PUM2: variants seen among roughly 807,000 people sequenced by gnomAD.
PUM2 encodes the protein pumilio homolog 2.
In PUM2, 57 loss-of-function variants were observed where a neutral mutation model predicts 124.5. The ratio of observed to expected loss-of-function variants is 0.46; its 90% confidence interval spans 0.37 to 0.57. PUM2 has a LOEUF of 0.57. Ranked by LOEUF, PUM2 falls within the 20% of genes least tolerant of loss-of-function variation. The probability of loss-of-function intolerance (pLI) is 0.00; values close to 1 mark genes in which losing one functional copy is unlikely to be tolerated. For synonymous variants in PUM2, 460 were observed against 446.1 expected (o/e 1.03, Z -0.39); for missense variants, 1,065 against 1,290.6 (o/e 0.83, Z 2.68).
Position 20,282,961 on chromosome 2 carries a change from C to T in PUM2, c.1706G>A (p.Gly569Glu), listed in dbSNP as rs781262289. 20 of 1,613,136 alleles carry T rather than the reference C, an allele frequency of 1.2e-5. No individual in the cohort carries two copies. Among genetic ancestry groups the T allele is most frequent in the Non-Finnish European group, 1.5e-5 (18 of 1,179,762 alleles). Residue 569 changes from glycine (G) to glutamate (E), a missense_variant, in exon 12 of 21, where the codon GGA becomes GAA. Physicochemically the swap from Gly to Glu is moderately conservative, Grantham distance 98. Around this residue, in one of 3 missense-constraint regions of PUM2, gnomAD observed 968 missense variants for 1,159.8 expected, o/e 0.83. Coordinates refer to ENST00000361078, the MANE Select transcript of PUM2 (RefSeq NM_015317.5). ...LGAAIGSALS[G>E]FGSSVGSSAS... ...AACAAACTTACCTGATGAACCAAATCCACTGAGGGCTGAGCCTATAGCAGC... is the reference window on the plus strand; with the variant it reads ...AACAAACTTACCTGATGAACCAAATTCACTGAGGGCTGAGCCTATAGCAGC...
At position 20,341,321 on chromosome 2, in the gene PUM2, T is replaced by C. The variant is rs190117441; in HGVS notation, c.-19+9276A>G. On this transcript the variant is annotated intron_variant, in intron 1 of 20. Coordinates refer to ENST00000361078, the MANE Select transcript of PUM2 (RefSeq NM_015317.5). ...CACCACTTATATGGTGGTACAAAAT[T>C]AAAAAAATAAGCCAAACTCAACAAC... is the stretch of plus-strand genomic sequence containing the variant. 3.4e-3 allele frequency among the ~76,000 whole-genome samples: 524 copies of C among 152,158 alleles called. 2 individuals are homozygous for C. The highest frequency in any genetic ancestry group is 4.8e-3 in the Non-Finnish European group (328 of 67,982).
intron 10 of PUM2, among the ~76,000 whole-genome samples, chr2:20,287,289 T>C (rs1446852892): frequency 6.6e-6 from 1 of 152,032 alleles, no homozygotes; most frequent in Non-Finnish European, 1.5e-5. Context: ...ACAGAAGTAC[T>C]AAAAGAAGAT....
intron 10 of PUM2, among the ~76,000 whole-genome samples, chr2:20,286,529 C>T (rs181792381): frequency 6.6e-6 from 1 of 152,252 alleles, no homozygotes; most frequent in East Asian, 1.9e-4. Flanking sequence ...GTTATTTATG[C>T]CTTCTCTGTT....
intron 5 of PUM2, 134 bp from the exon 6 acceptor site, chr2:20,308,718 C>T (rs1247210162): frequency 1.3e-6 from 1 of 778,938 alleles, no homozygotes; most frequent in Non-Finnish European, 2.0e-6. Flanking sequence ...ACTATGCCAC[C>T]TTATCACATT....
At chr2:20,337,321 G>T (rs1471371785) in intron 1 of PUM2, among the ~76,000 whole-genome samples, 1 of 150,972 alleles carries the variant, frequency 6.6e-6, no homozygotes, top group Admixed American at 6.6e-5. Flanking sequence ...TTTGTTTTTT[G>T]TAAGTCCTCA....
At chr2:20,337,918 A>G (rs1308844146) in intron 1 of PUM2, among the ~76,000 whole-genome samples, 1 of 152,176 alleles carries the variant, frequency 6.6e-6, no homozygotes, top group African/African-American at 2.4e-5. Context: ...TATAATTCTC[A>G]CTATAATCCA....
intron 13 of PUM2, among the ~76,000 whole-genome samples, chr2:20,272,355 T>A: frequency 6.6e-6 from 1 of 152,298 alleles, no homozygotes; most frequent in Non-Finnish European, 1.5e-5. Flanking sequence ...CATATGTGTA[T>A]GTGTGGTGTG....
chr2:20,284,997 GCA>G (rs1672397934), intron 10 of PUM2, among the ~76,000 whole-genome samples: 1 of 152,088 alleles, frequency 6.6e-6, no homozygotes, highest in Non-Finnish European at 1.5e-5. Context: ...TAAATCCAAG[GCA>G]CACAGAAAAC....
intron 2 of PUM2, among the ~76,000 whole-genome samples, chr2:20,323,321 G>A (rs1002316893): frequency 6.6e-5 from 10 of 151,968 alleles, no homozygotes; most frequent in East Asian, 5.8e-4. Flanking sequence ...AGTGGCACAC[G>A]CCTGCGGTCC....
At position 20,256,048 on chromosome 2, in the gene PUM2, A is replaced by G; in HGVS notation, c.2607T>C (p.Asp869=). ...TCAAACATACTTGTCCCTTGAAAGC[A>G]TCAATGATGAACTGTAGTGACTGTG... is the stretch of plus-strand genomic sequence containing the variant. ...VQPQSLQFII[D]AFKGQVFVLS... is the part of the protein sequence containing the mutation. The change falls in exon 17 of 21, where the codon GAT becomes GAC. Residue 869 remains aspartate, a synonymous_variant. Transcript: ENST00000361078. The G allele has an allele frequency of 6.4e-7, 1 of 1,569,536 alleles. No individual in the cohort carries two copies. The highest frequency in any genetic ancestry group is 8.6e-7 in the Non-Finnish European group (1 of 1,164,482).
At chr2:20,273,073 A>G (rs1407058152) in intron 13 of PUM2, among the ~76,000 whole-genome samples, 2 of 152,228 alleles carry the variant, frequency 1.3e-5, no homozygotes, top group Admixed American at 6.5e-5. Flanking sequence ...AGGGTACCTT[A>G]TAAGCATGGT....
At chr2:20,291,871 G>A (rs16987546) in intron 9 of PUM2, among the ~76,000 whole-genome samples, 11,035 of 152,052 alleles carry the variant, frequency 0.073, 439 homozygotes, top group Non-Finnish European at 0.088. Flanking sequence ...GCCAACCCAA[G>A]CATCCTTTAA....
chr2:20,303,337 C>T (rs1572820242), intron 7 of PUM2, among the ~76,000 whole-genome samples: 1 of 151,318 alleles, frequency 6.6e-6, no homozygotes, highest in Admixed American at 6.6e-5. Context: ...CCTGGGAGGT[C>T]GAGGCTGCAA....
intron 13 of PUM2, 148 bp from the exon 14 acceptor site, chr2:20,263,608 G>T: frequency 1.1e-6 from 1 of 933,850 alleles, no homozygotes; most frequent in Non-Finnish European, 1.6e-6. Context: ...ATTGGGAGGG[G>T]AAAATCTCAC....
In PUM2 at chr2:20,248,868, T is replaced by C. The variant is rs905347011; in HGVS notation, c.*2717A>G. On this transcript the variant is annotated 3_prime_UTR_variant, in exon 21 of 21. Coordinates refer to ENST00000361078, the MANE Select transcript of PUM2 (RefSeq NM_015317.5). ...CTTAGACAAACTGGTCCAGAAACAA[T>C]CCCTATCAAAAGGAGACACTCAAGA... 1 of 152,562 alleles carries C rather than the reference T, an allele frequency of 6.6e-6. No homozygotes were observed. The highest frequency in any genetic ancestry group is 2.4e-5 in the African/African-American group (1 of 41,432). The allele number at this position is 152,562 out of a possible 1,614,324, so 9.5% of individuals were successfully genotyped here. A position where few individuals can be genotyped will look rare whatever the true frequency, so the allele number is the denominator to read the frequency against.
chr2:20,332,282 AGT>A (rs55986830), intron 1 of PUM2, among the ~76,000 whole-genome samples: 8,545 of 145,316 alleles, frequency 0.059, 283 homozygotes, highest in African/African-American at 0.088. Flanking sequence ...ATACTACTAG[AGT>A]GTGTGTGTGT....
chr2:20,304,995 A>G (rs908474469), intron 7 of PUM2, among the ~76,000 whole-genome samples: 2 of 152,168 alleles, frequency 1.3e-5, no homozygotes, highest in Admixed American at 6.5e-5. Flanking sequence ...GACCAGGCAA[A>G]TTTGGATAAA....
intron 2 of PUM2, among the ~76,000 whole-genome samples, chr2:20,322,409 C>A (rs916423451): frequency 6.6e-6 from 1 of 151,510 alleles, no homozygotes; most frequent in Non-Finnish European, 1.5e-5. Flanking sequence ...ACTGTGAGAC[C>A]CTGTCTCTTT....
intron 1 of PUM2, among the ~76,000 whole-genome samples, chr2:20,332,228 A>G (rs1170812413): frequency 6.6e-6 from 1 of 151,898 alleles, no homozygotes; most frequent in Non-Finnish European, 1.5e-5. Flanking sequence ...ATATGAGTAT[A>G]CTGAAAGTTA....
Sources: gnomAD v4.1 joint callset for allele counts (sites outside exome capture counted in the v4.1 genomes callset) on GRCh38, gnomAD v4.1.1 for gene constraint, gnomAD v4.1.1 regional missense constraint, MANE v1.5 for transcripts, NCBI Gene and HGNC (gene_info 2026-07-23, HGNC 2026-07-21) for gene names.